The following FANCC variants were observed in gnomAD, a reference collection of about 807,000 sequenced individuals.
FANCC encodes FA complementation group C.
In FANCC, 55 loss-of-function variants were observed where a neutral mutation model predicts 71.3. The observed-to-expected ratio is 0.77, with a 90% confidence interval of 0.62 to 0.97. The LOEUF (loss-of-function observed/expected upper bound fraction) is 0.97, where lower values mean the gene tolerates loss of function less well. Among genes scored for constraint, FANCC ranks in the 50% least tolerant of loss-of-function variants. The probability of loss-of-function intolerance (pLI) is 0.00; values close to 1 mark genes in which losing one functional copy is unlikely to be tolerated. For synonymous variants in FANCC, 275 were observed against 244.9 expected (o/e 1.12, Z -1.15); for missense variants, 678 against 670.9 (o/e 1.01, Z -0.12).
intron 6 of FANCC, among the ~76,000 whole-genome samples, chr9:95,164,678 T>C (rs986262853): frequency 6.6e-6 from 1 of 152,204 alleles, no homozygotes; most frequent in African/African-American, 2.4e-5. Flanking sequence ...CATATCTTTT[T>C]AACGTATTGT....
chr9:95,288,279 A>T (rs1374310777), intron 1 of FANCC, among the ~76,000 whole-genome samples: 1 of 152,246 alleles, frequency 6.6e-6, no homozygotes, highest in Non-Finnish European at 1.5e-5. Context: ...TCTATATAAC[A>T]TGATGCCTTT....
intron 4 of FANCC, among the ~76,000 whole-genome samples, chr9:95,188,279 C>T (rs1487717125): frequency 6.6e-6 from 1 of 152,158 alleles, no homozygotes; most frequent in Admixed American, 6.5e-5. Flanking sequence ...CCCAGGCTCC[C>T]AGGAAGGCAG....
chr9:95,283,202 C>G (rs1833473529), intron 1 of FANCC, among the ~76,000 whole-genome samples: 1 of 152,224 alleles, frequency 6.6e-6, no homozygotes, highest in Admixed American at 6.5e-5. Context: ...CCTCCTCAGC[C>G]TCCCCAGGGG....
rs189011257 is a variant in FANCC, at chr9:95,267,298, G to T, written c.-78-17929C>A. Reference sequence around the variant, plus strand: ...GCATCCTTGCCTCCTATGGAGTGGCGGTCTAGGGAGGATGGAGGACACCTG... The same window carrying T: ...GCATCCTTGCCTCCTATGGAGTGGCTGTCTAGGGAGGATGGAGGACACCTG... On this transcript the variant is annotated intron_variant, in intron 1 of 14. Transcript: ENST00000289081. Among the ~76,000 whole-genome samples the T allele has an allele frequency of 4.6e-5, 7 of 152,196 alleles. No homozygotes were observed. The East Asian group carries it at 1.4e-3, about 29-fold the overall frequency.
chr9:95,234,186 A>C (rs1490848826), intron 4 of FANCC, among the ~76,000 whole-genome samples: 1 of 152,240 alleles, frequency 6.6e-6, no homozygotes, highest in East Asian at 1.9e-4. Flanking sequence ...CCTCATTAAA[A>C]GGTTATGCTA....
At chr9:95,284,430 G>C (rs1833553079) in intron 1 of FANCC, among the ~76,000 whole-genome samples, 1 of 152,208 alleles carries the variant, frequency 6.6e-6, no homozygotes, top group Non-Finnish European at 1.5e-5. Flanking sequence ...GACTGTAAAA[G>C]TCATGTGGTT....
chr9:95,232,498 GA>G (rs1274045517), intron 4 of FANCC, among the ~76,000 whole-genome samples: 2 of 152,176 alleles, frequency 1.3e-5, no homozygotes, highest in African/African-American at 4.8e-5. Context: ...CAATTTTTAA[GA>G]AACTGAAAGT....
chr9:95,134,071 G>C (rs1007889521), intron 8 of FANCC, among the ~76,000 whole-genome samples: 3 of 152,184 alleles, frequency 2.0e-5, no homozygotes, highest in African/African-American at 7.2e-5. Context: ...TTCAAGTCAG[G>C]TGGGATCCGT....
At chr9:95,266,093 C>T (rs775211064) in intron 1 of FANCC, among the ~76,000 whole-genome samples, 6 of 152,202 alleles carry the variant, frequency 3.9e-5, no homozygotes, top group African/African-American at 1.2e-4. Flanking sequence ...CTGCAACCAA[C>T]AGCAAGAGTT....
At chr9:95,256,583 A>T (rs1831671791) in intron 1 of FANCC, among the ~76,000 whole-genome samples, 1 of 152,208 alleles carries the variant, frequency 6.6e-6, no homozygotes, top group Non-Finnish European at 1.5e-5. Context: ...CCGCAAAAAA[A>T]TACCAAATTG....
intron 7 of FANCC, among the ~76,000 whole-genome samples, chr9:95,137,556 A>G (rs79268110): frequency 0.01 from 1,545 of 152,278 alleles, 26 homozygotes; most frequent in African/African-American, 0.035. Flanking sequence ...CCATTTCCTC[A>G]GATGAAAAGA....
intron 3 of FANCC, among the ~76,000 whole-genome samples, chr9:95,244,678 C>CAAAAAAAAAAAAAAAAAAAAAAA (rs576605250): frequency 2.4e-5 from 1 of 41,554 alleles, no homozygotes; most frequent in Non-Finnish European, 4.0e-5. Flanking sequence ...GACTTTGTCT[C>CAAAAAAAAAAAAAAAAAAAAAAA]AAAAAAAAAA....
chr9:95,309,169 T>C (rs934916256), intron 1 of FANCC, among the ~76,000 whole-genome samples: 9 of 152,204 alleles, frequency 5.9e-5, no homozygotes, highest in Middle Eastern at 3.2e-3. Flanking sequence ...ATACTTATCA[T>C]CAAGCAAAAG....
chr9:95,247,693 G>T (rs577820260), intron 2 of FANCC, among the ~76,000 whole-genome samples, 177 bp from the exon 3 acceptor site: 23 of 152,246 alleles, frequency 1.5e-4, no homozygotes, highest in African/African-American at 5.3e-4. Flanking sequence ...AGTTTAAAAA[G>T]CAACCAACCA....
intron 10 of FANCC, 26 bp downstream of exon 10, chr9:95,125,060 T>G (rs761488891): frequency 6.3e-7 from 1 of 1,577,620 alleles, no homozygotes; most frequent in South Asian, 1.1e-5. Context: ...CTGGGATGAA[T>G]GAGTAATATA....
chr9:95,286,037 C>T (rs575780272), intron 1 of FANCC, among the ~76,000 whole-genome samples: 13 of 152,070 alleles, frequency 8.5e-5, no homozygotes, highest in Admixed American at 1.3e-4. Context: ...CTTAATGGTA[C>T]GGAAAACTGC....
intron 6 of FANCC, among the ~76,000 whole-genome samples, chr9:95,151,927 CAA>C (rs548345082): frequency 2.0e-5 from 2 of 98,480 alleles, no homozygotes; most frequent in Non-Finnish European, 4.3e-5. Flanking sequence ...AGACCTGTCT[CAA>C]AAAAAAAAAA....
intron 1 of FANCC, among the ~76,000 whole-genome samples, chr9:95,311,324 T>G (rs1329331747): frequency 6.6e-6 from 1 of 151,378 alleles, no homozygotes. Flanking sequence ...AAAAATAGGA[T>G]TAGGCTAAGT....
At chr9:95,281,455 T>C (rs1469299648) in intron 1 of FANCC, among the ~76,000 whole-genome samples, 2 of 151,892 alleles carry the variant, frequency 1.3e-5, no homozygotes, top group African/African-American at 2.4e-5. Context: ...ACTTCAGAAA[T>C]GAAGAAAAGA....
Sources: allele counts gnomAD v4.1 joint callset (sites outside exome capture counted in the v4.1 genomes callset), GRCh38; gene constraint gnomAD v4.1.1; transcripts MANE v1.5; gene names NCBI Gene and HGNC (gene_info 2026-07-23, HGNC 2026-07-21).